The following SNRPG variants were observed in gnomAD, a reference collection of about 807,000 sequenced individuals.
The protein encoded by SNRPG is small nuclear ribonucleoprotein polypeptide G.
Under a neutral mutation model 13.9 loss-of-function variants are expected in SNRPG, and 3 were observed. The observed-to-expected ratio is 0.22, with a 90% CI of 0.10 to 0.56. The LOEUF is 0.56. Ranked by LOEUF, SNRPG falls within the 20% of genes least tolerant of loss-of-function variation. The pLI, the probability that SNRPG is intolerant of heterozygous loss-of-function variation, is 0.93. For missense variants in SNRPG, 34 were observed against 96.1 expected, an observed-to-expected ratio of 0.35 and a Z score of 2.70; for synonymous variants, 29 against 29.3, an observed-to-expected ratio of 0.99 and a Z score of 0.03.
chr2:70,293,417 G>A, intron 1 of SNRPG: 1 of 645,452 alleles, frequency 1.5e-6, no homozygotes, highest in Non-Finnish European at 2.8e-6. Flanking sequence ...CGTGGCTGCC[G>A]GCTGTAACCA....
intron 1 of SNRPG, among the ~76,000 whole-genome samples, chr2:70,290,472 T>C (rs1171827860): frequency 6.6e-6 from 1 of 152,018 alleles, no homozygotes; most frequent in African/African-American, 2.4e-5. Flanking sequence ...CAAATCAGTT[T>C]TTAATTTCTT....
chr2:70,290,004 CT>C (rs56861344), intron 1 of SNRPG, among the ~76,000 whole-genome samples: 606 of 130,782 alleles, frequency 4.6e-3, no homozygotes, highest in South Asian at 6.0e-3. Flanking sequence ...AAATTTCTTT[CT>C]TTTTTTTTTT....
At chr2:70,283,096 C>CAAAAAAAAAAAAAAAAAAAA (rs57862220) in intron 3 of SNRPG, among the ~76,000 whole-genome samples, 6 of 14,034 alleles carry the variant, frequency 4.3e-4, no homozygotes, top group Admixed American at 1.1e-3. Context: ...TGTCTTTTGT[C>CAAAAAAAAAAAAAAAAAAAA]AAAAAAAAAA....
At chr2:70,287,443 C>T (rs1559043763) in intron 3 of SNRPG, 2 of 670,516 alleles carry the variant, frequency 3.0e-6, no homozygotes, top group Non-Finnish European at 2.7e-6. Flanking sequence ...AAACTACGGC[C>T]CAATGAATGT....
chr2:70,288,412 T>G (rs577179195), intron 2 of SNRPG, among the ~76,000 whole-genome samples: 1 of 152,324 alleles, frequency 6.6e-6, no homozygotes, highest in East Asian at 1.9e-4. Context: ...AGGACAGAAC[T>G]AAACTTCAGA....
rs190229211 is a variant in SNRPG at position 70,287,135 on chromosome 2, A to G, written c.180+933T>C. 6.1e-5 allele frequency: 36 copies of G among 588,536 alleles called. No individual in the cohort carries two copies. The Admixed American group carries it at 7.4e-4, about 12-fold the overall frequency. The allele number at this position is 588,536 out of a possible 1,614,324, so 36.5% of individuals were successfully genotyped here. The stretch of plus-strand genomic sequence containing the variant: ...AGTATCTGAAATAAGTAATAACACA[A>G]ACCTTGGAAAGAATGGTATGTAAAA... On this transcript the variant is annotated intron_variant, in intron 3 of 3. Transcript: ENST00000272348.
At chr2:70,293,452 G>C (rs1697157879) in intron 1 of SNRPG, 166 bp downstream of exon 1, 1 of 727,076 alleles carries the variant, frequency 1.4e-6, no homozygotes. Flanking sequence ...CTCTGCGCGG[G>C]CTTCACGTCT....
chr2:70,291,653 G>A (rs1961833), intron 1 of SNRPG, among the ~76,000 whole-genome samples: 109,769 of 151,964 alleles, frequency 0.72, 40,213 homozygotes, highest in African/African-American at 0.84. Flanking sequence ...TGAGAAAGCA[G>A]AGGAAGAAAA....
At chr2:70,288,640 C>T (rs1045046492) in intron 2 of SNRPG, among the ~76,000 whole-genome samples, 28 of 152,288 alleles carry the variant, frequency 1.8e-4, no homozygotes, top group African/African-American at 6.3e-4. Flanking sequence ...TTACCTCTAA[C>T]GCTCATGGTT....
intron 3 of SNRPG, among the ~76,000 whole-genome samples, chr2:70,283,547 A>C (rs1466088265): frequency 3.3e-5 from 5 of 152,218 alleles, no homozygotes; most frequent in African/African-American, 1.2e-4. Flanking sequence ...ATACAAATGT[A>C]AATTTTATGA....
At position 70,289,358 on chromosome 2, in the gene SNRPG, T is replaced by G. The variant is rs1697022046; in HGVS notation, c.47A>C (p.Lys16Thr). 6.9e-7 allele frequency: 1 copy of G among 1,444,956 alleles called. No homozygotes were observed. The highest frequency in any genetic ancestry group is 9.6e-7 in the Non-Finnish European group (1 of 1,045,562). The allele number at this position is 1,444,956 out of a possible 1,614,324, so 89.5% of individuals were successfully genotyped here. Residue 16 changes from lysine (K) to threonine (T), a missense_variant, in exon 2 of 4, where the codon AAG becomes ACG. Coordinates refer to ENST00000272348, the MANE Select transcript of SNRPG (RefSeq NM_003096.4). ...PPELKKFMDK[K>T]LSLKLNGGRH... is the part of the protein sequence containing the mutation. ...AACAACAACAAACTTACATGATAAC[T>G]TCTTGTCCATAAATCTGAAAAAGGA...
intron 1 of SNRPG, among the ~76,000 whole-genome samples, chr2:70,289,744 G>A (rs1013867684): frequency 5.3e-5 from 8 of 152,248 alleles, no homozygotes; most frequent in African/African-American, 1.9e-4. Context: ...CTGCCACGTT[G>A]AGGCTGCAGT....
At chr2:70,285,202 A>T (rs1420581004) in intron 3 of SNRPG, among the ~76,000 whole-genome samples, 1 of 152,228 alleles carries the variant, frequency 6.6e-6, no homozygotes, top group East Asian at 1.9e-4. Context: ...TTAATAAGAA[A>T]AAGAATCATA....
At chr2:70,287,258 C>T in intron 3 of SNRPG, 1 of 698,338 alleles carries the variant, frequency 1.4e-6, no homozygotes. Context: ...TAATTAGCAA[C>T]TCTTACCACT....
chr2:70,285,848 G>A (rs755608676), intron 3 of SNRPG, among the ~76,000 whole-genome samples: 37 of 152,166 alleles, frequency 2.4e-4, no homozygotes, highest in African/African-American at 6.5e-4. Context: ...AGATAGAGGC[G>A]ATGCCACTGA....
intron 1 of SNRPG, chr2:70,292,957 T>G: frequency 1.7e-6 from 1 of 587,406 alleles, no homozygotes; most frequent in Non-Finnish European, 3.0e-6. Context: ...TGTTTGACTT[T>G]ACTGGGTGTG....
chr2:70,283,096 CAAAAAA>C (rs57862220), intron 3 of SNRPG, among the ~76,000 whole-genome samples: 9 of 14,046 alleles, frequency 6.4e-4, no homozygotes, highest in East Asian at 2.8e-3. Context: ...TGTCTTTTGT[CAAAAAA>C]AAAAAAAAAA....
intron 1 of SNRPG, chr2:70,293,004 G>A (rs1697141129): frequency 1.6e-6 from 1 of 613,936 alleles, no homozygotes; most frequent in Non-Finnish European, 2.9e-6. Context: ...TCTCTGACTA[G>A]AAAAAATTAA....
chr2:70,286,228 AAC>A (rs1211199657), intron 3 of SNRPG, among the ~76,000 whole-genome samples: 1 of 152,186 alleles, frequency 6.6e-6, no homozygotes, highest in Non-Finnish European at 1.5e-5. Context: ...GTGCCCAGCC[AAC>A]ACACACATAA....
Sources: gnomAD v4.1 joint callset for allele counts (sites outside exome capture counted in the v4.1 genomes callset) on GRCh38, gnomAD v4.1.1 for gene constraint, MANE v1.5 for transcripts, NCBI Gene and HGNC (gene_info 2026-07-23, HGNC 2026-07-21) for gene names.